FBXL17: variants seen among roughly 807,000 people sequenced by gnomAD.
The protein encoded by FBXL17 is F-box and leucine rich repeat protein 17.
In FBXL17, 22 loss-of-function variants were observed where a neutral mutation model predicts 66.2. The ratio of observed to expected loss-of-function variants is 0.33; its 90% CI spans 0.24 to 0.47. The LOEUF (loss-of-function observed/expected upper bound fraction) is 0.47, where lower values mean the gene tolerates loss of function less well. Among genes scored for constraint, FBXL17 ranks in the 20% least tolerant of loss-of-function variants. FBXL17 has a pLI of 1.00. For synonymous variants in FBXL17, 474 were observed against 400.5 expected, an observed-to-expected ratio of 1.18 and a Z score of -2.19; for missense variants, 878 against 948.2, an observed-to-expected ratio of 0.93 and a Z score of 0.97.
intron 6 of FBXL17, among the ~76,000 whole-genome samples, chr5:108,040,858 C>T (rs1231029320): frequency 6.6e-6 from 1 of 151,992 alleles, no homozygotes; most frequent in African/African-American, 2.4e-5. Flanking sequence ...GCAGCTTTGG[C>T]ATTGTAAGAA....
At chr5:108,290,013 CAGATA>C (rs755429314) in intron 4 of FBXL17, among the ~76,000 whole-genome samples, 3 of 152,152 alleles carry the variant, frequency 2.0e-5, no homozygotes, top group Non-Finnish European at 2.9e-5. Flanking sequence ...AATCTACTTT[CAGATA>C]AGAGAAACCA....
intron 4 of FBXL17, among the ~76,000 whole-genome samples, chr5:108,266,270 ATC>A (rs1757041988): frequency 6.6e-6 from 1 of 152,082 alleles, no homozygotes; most frequent in Non-Finnish European, 1.5e-5. Flanking sequence ...GTTACTTGTG[ATC>A]AACCACAGTT....
intron 6 of FBXL17, among the ~76,000 whole-genome samples, chr5:108,022,104 T>G (rs1321178952): frequency 6.6e-6 from 1 of 151,916 alleles, no homozygotes; most frequent in Non-Finnish European, 1.5e-5. Flanking sequence ...GACATATATG[T>G]TTTTTAAAAA....
intron 7 of FBXL17, among the ~76,000 whole-genome samples, chr5:107,896,902 T>C (rs1749404627): frequency 6.6e-6 from 1 of 152,066 alleles, no homozygotes; most frequent in Non-Finnish European, 1.5e-5. Context: ...ATTGAAAATA[T>C]AGCTTTTATG....
intron 7 of FBXL17, among the ~76,000 whole-genome samples, chr5:107,946,086 A>G (rs1751268817): frequency 6.6e-6 from 1 of 151,214 alleles, no homozygotes; most frequent in Non-Finnish European, 1.5e-5. Context: ...CTATTTGAAA[A>G]TAAGGAAATG....
chr5:108,256,861 G>C (rs1191361592), intron 4 of FBXL17, among the ~76,000 whole-genome samples: 1 of 149,926 alleles, frequency 6.7e-6, no homozygotes. Flanking sequence ...TTTTGTTTCT[G>C]TTCTGTGTTT....
At chr5:108,039,262 G>A (rs936101741) in intron 6 of FBXL17, among the ~76,000 whole-genome samples, 5 of 151,896 alleles carry the variant, frequency 3.3e-5, no homozygotes, top group African/African-American at 9.7e-5. Context: ...TAAAATTAAA[G>A]CAGTATAAAT....
chr5:108,239,256 G>A (rs1340073991), intron 4 of FBXL17, among the ~76,000 whole-genome samples: 5 of 152,292 alleles, frequency 3.3e-5, no homozygotes, highest in Admixed American at 3.3e-4. Context: ...TCAGGTGAGT[G>A]ATCACAGTAT....
chr5:108,184,747 C>CAA (rs34512714), intron 6 of FBXL17, among the ~76,000 whole-genome samples: 24,560 of 82,262 alleles, frequency 0.3, 3,552 homozygotes, highest in African/African-American at 0.35. Flanking sequence ...GACTCGGTCT[C>CAA]AAAAAAAAAA....
intron 4 of FBXL17, among the ~76,000 whole-genome samples, chr5:108,314,594 C>T (rs1389488168): frequency 6.6e-6 from 1 of 151,196 alleles, no homozygotes; most frequent in African/African-American, 2.4e-5. Flanking sequence ...CAGATTAATA[C>T]TGCGTTCAAA....
rs375429625 is a variant in FBXL17 at position 108,075,744 on chromosome 5, T to G, written c.1746-54743A>C. ...TGCCCGCCTCGGCCTCCCAAAGTGC[T>G]GGGATTACAGGCTTAAGCCACCGCA... On this transcript the variant is annotated intron_variant, in intron 6 of 8. Transcript: ENST00000542267. Among the ~76,000 whole-genome samples the G allele has an allele frequency of 2.0e-4, 30 of 152,358 alleles. No homozygotes were observed. The South Asian group carries it at 6.2e-3, about 32-fold the overall frequency.
At position 107,921,828 on chromosome 5, in the gene FBXL17, A is replaced by T. The variant is rs1347350034; in HGVS notation, c.1823-40649T>A. Among the ~76,000 whole-genome samples the T allele has an allele frequency of 2.6e-5, 4 of 152,260 alleles. No homozygotes were observed. In the East Asian group the frequency reaches 5.8e-4, roughly 22 times the overall value. On this transcript the variant is annotated intron_variant, in intron 7 of 8. Transcript: ENST00000542267. ...ACCTGGTTTGACCCAGGTTTACTGA[A>T]TCCTGATTCCATTTCAATGACTATT...
chr5:107,931,139 T>C (rs9328025), intron 7 of FBXL17, among the ~76,000 whole-genome samples: 85,673 of 152,030 alleles, frequency 0.56, 24,258 homozygotes, highest in South Asian at 0.64. Flanking sequence ...ACATCTGAAC[T>C]GACCAGTTTG....
intron 5 of FBXL17, among the ~76,000 whole-genome samples, chr5:108,222,161 C>G (rs780057416): frequency 6.6e-6 from 1 of 152,292 alleles, no homozygotes; most frequent in East Asian, 1.9e-4. Flanking sequence ...TAATTGTGAT[C>G]TTTTAAGTAC....
chr5:107,941,539 A>T (rs1288063619), intron 7 of FBXL17, among the ~76,000 whole-genome samples: 1 of 152,196 alleles, frequency 6.6e-6, no homozygotes, highest in Non-Finnish European at 1.5e-5. Context: ...GTATTTTTAT[A>T]GACACCTTAG....
At chr5:108,350,424 A>G (rs1747570787) in intron 3 of FBXL17, among the ~76,000 whole-genome samples, 1 of 152,224 alleles carries the variant, frequency 6.6e-6, no homozygotes, top group Non-Finnish European at 1.5e-5. Context: ...ATACAGTGAA[A>G]ACGGAGGAAT....
intron 6 of FBXL17, among the ~76,000 whole-genome samples, chr5:108,152,494 T>G (rs1751811291): frequency 6.6e-6 from 1 of 152,186 alleles, no homozygotes; most frequent in African/African-American, 2.4e-5. Flanking sequence ...GCATACTTTC[T>G]TCTATATTTT....
At position 108,381,498 on chromosome 5, in the gene FBXL17, A is replaced by T; in HGVS notation, c.194T>A (p.Val65Glu). The T allele has an allele frequency of 7.2e-7, 1 of 1,387,924 alleles. No homozygotes were observed. Among genetic ancestry groups the T allele is most frequent in the Non-Finnish European group, 9.2e-7 (1 of 1,081,696 alleles). The allele number at this position is 1,387,924 out of a possible 1,614,324, so 86.0% of individuals were successfully genotyped here. A position where few individuals can be genotyped will look rare whatever the true frequency, so the allele number is the denominator to read the frequency against. ...GGGGGCGGGCGCGCCGGGACTGTGC[A>T]CGATGAAGCAGAGCATGCAGGGCCC... ...FRGPCMLCFI[V>E]HSPGAPAPAG... Residue 65 changes from valine to glutamate, a missense_variant, in exon 1 of 9, where the codon GTG becomes GAG. This residue lies in a region of FBXL17 where 605 missense variants were observed against 509.5 expected (regional missense o/e 1.19). Transcript: ENST00000542267.
chr5:108,295,479 T>C (rs78894493), intron 4 of FBXL17, among the ~76,000 whole-genome samples: 81 of 152,038 alleles, frequency 5.3e-4, no homozygotes, highest in Non-Finnish European at 9.6e-4. Flanking sequence ...GGAGACAAAG[T>C]AGAGGAGCTA....
Sources: gnomAD v4.1 joint callset for allele counts (sites outside exome capture counted in the v4.1 genomes callset) on GRCh38, gnomAD v4.1.1 for gene constraint, gnomAD v4.1.1 regional missense constraint, MANE v1.5 for transcripts, NCBI Gene and HGNC (gene_info 2026-07-23, HGNC 2026-07-21) for gene names.